The following MIB1 variants were observed in gnomAD, a reference collection of about 807,000 sequenced individuals.
The protein encoded by MIB1 is E3 ubiquitin-protein ligase MIB1.
MIB1 carries 278 observed loss-of-function variants against 124.5 expected under a neutral mutation model. That is an observed-to-expected ratio of 2.23 (90% CI 2.02 to 2.47). The LOEUF (loss-of-function observed/expected upper bound fraction) is 2.47, where lower values mean the gene tolerates loss of function less well. MIB1 is among the 30% of genes most tolerant of loss of function. MIB1 has a pLI of 0.00. For missense variants in MIB1, 957 were observed against 1,254.4 expected (o/e 0.76, Z 3.58); for synonymous variants, 446 against 429.4 (o/e 1.04, Z -0.48).
Position 21,768,243 on chromosome 18 carries a change from G to A in MIB1, c.402-380G>A, listed in dbSNP as rs537983250. ...TGCTTAGACTAGGATCATATGTGGA[G>A]TCCATTACATTTTAACTTTTGTGGC... On this transcript the variant is annotated intron_variant, in intron 2 of 20. Transcript: ENST00000261537. Among the ~76,000 whole-genome samples the A allele has an allele frequency of 3.3e-5, 5 of 152,298 alleles. No individual in the cohort carries two copies. In the East Asian group the frequency reaches 9.6e-4, roughly 29 times the overall value.
chr18:21,781,403 AT>A (rs1568199069), intron 6 of MIB1, among the ~76,000 whole-genome samples: 34 of 76,736 alleles, frequency 4.4e-4, no homozygotes, highest in African/African-American at 2.0e-3. Context: ...ATATATATAT[AT>A]ATATATATAT....
chr18:21,773,782 C>A, intron 4 of MIB1, 54 bp downstream of exon 4: 1 of 981,836 alleles, frequency 1.0e-6, no homozygotes, highest in Non-Finnish European at 1.5e-6. Context: ...GGGTGAATAG[C>A]TCTTACTGCT....
rs755394758 is a variant in MIB1 at position 21,779,479 on chromosome 18, AG to A, written c.704del. ...TTTATTCAATTGCCTCTGAAATTACAGGTGAGCAGAATGGCAACAGGAATCC... is the reference window on the plus strand; with the variant it reads ...TTTATTCAATTGCCTCTGAAATTACAGTGAGCAGAATGGCAACAGGAATCC... On this transcript the variant is annotated splice_acceptor_variant, in intron 5 of 20. Transcript: ENST00000261537. LOFTEE classifies it high-confidence loss of function. The A allele has an allele frequency of 2.5e-6, 4 of 1,613,512 alleles. No homozygotes were observed. The highest frequency in any genetic ancestry group is 3.4e-6 in the Non-Finnish European group (4 of 1,179,450).
At chr18:21,859,878 G>C (rs1252681279) in intron 20 of MIB1, among the ~76,000 whole-genome samples, 2 of 98,242 alleles carry the variant, frequency 2.0e-5, no homozygotes, top group African/African-American at 8.6e-5. Flanking sequence ...GACAGAGTGA[G>C]ACTGTCTCAA....
chr18:21,793,516 TC>T (rs1752304376), intron 7 of MIB1, among the ~76,000 whole-genome samples: 1 of 152,074 alleles, frequency 6.6e-6, no homozygotes, highest in Non-Finnish European at 1.5e-5. Context: ...ACGTGGTGGC[TC>T]ATGTCTGTAA....
At chr18:21,752,674 T>A (rs1330383296) in intron 1 of MIB1, among the ~76,000 whole-genome samples, 1 of 152,168 alleles carries the variant, frequency 6.6e-6, no homozygotes, top group East Asian at 1.9e-4. Flanking sequence ...CCAGGCCTTG[T>A]GGTACAGTAA....
At chr18:21,787,107 A>C (rs764888093) in intron 6 of MIB1, among the ~76,000 whole-genome samples, 4 of 151,558 alleles carry the variant, frequency 2.6e-5, no homozygotes, top group Non-Finnish European at 5.9e-5. Flanking sequence ...TTGCCTGTTG[A>C]ATCCCCTAAA....
intron 12 of MIB1, among the ~76,000 whole-genome samples, chr18:21,832,493 A>T (rs1351271342): frequency 2.0e-5 from 3 of 152,198 alleles, no homozygotes; most frequent in African/African-American, 7.2e-5. Flanking sequence ...GAGAAAAAAT[A>T]TTAAAACATG....
intron 18 of MIB1, 68 bp downstream of exon 18, chr18:21,853,286 T>C (rs2042197563): frequency 8.0e-7 from 1 of 1,245,650 alleles, no homozygotes; most frequent in Admixed American, 2.0e-5. Flanking sequence ...AATTATGTTT[T>C]TGAGGGTTTT....
chr18:21,720,648 G>A (rs1301274440), intron 1 of MIB1, among the ~76,000 whole-genome samples: 2 of 152,052 alleles, frequency 1.3e-5, no homozygotes, highest in East Asian at 3.9e-4. Flanking sequence ...TGGATATTTG[G>A]CGAAGTTAAG....
upstream of MIB1, among the ~76,000 whole-genome samples, chr18:21,738,311 A>G (rs1274843454): frequency 6.6e-6 from 1 of 152,148 alleles, no homozygotes; most frequent in Non-Finnish European, 1.5e-5. Flanking sequence ...AAACTGAAAA[A>G]CCTGTTCCTG....
intron 10 of MIB1, among the ~76,000 whole-genome samples, chr18:21,812,041 C>A (rs2041779728): frequency 6.6e-6 from 1 of 151,956 alleles, no homozygotes; most frequent in African/African-American, 2.4e-5. Context: ...AGCCCACAGC[C>A]AAGTAAAAAA....
chr18:21,718,441 C>A (rs963813712), intron 1 of MIB1, among the ~76,000 whole-genome samples: 2 of 152,220 alleles, frequency 1.3e-5, no homozygotes, highest in African/African-American at 4.8e-5. Flanking sequence ...TCAGCTCCCA[C>A]TGTTTCTGCC....
chr18:21,863,594 C>T lies in MIB1; in HGVS notation c.2881-932C>T, dbSNP rs535935940. Among the ~76,000 whole-genome samples, 483 of 152,276 alleles carry T rather than the reference C, an allele frequency of 3.2e-3. 1 individual carries two copies. Among genetic ancestry groups the T allele is most frequent in the Non-Finnish European group, 5.5e-3 (376 of 68,028 alleles). On this transcript the variant is annotated intron_variant, in intron 20 of 20. Transcript: ENST00000261537. ...CCCTTTGAAGTCAAGTTGCCTCTCTCCCCTCTACTACCTGGGTCTGGAGTC... is the reference window on the plus strand; with the variant it reads ...CCCTTTGAAGTCAAGTTGCCTCTCTTCCCTCTACTACCTGGGTCTGGAGTC...
intron 6 of MIB1, among the ~76,000 whole-genome samples, chr18:21,784,184 G>A (rs2041406309): frequency 6.6e-6 from 1 of 151,902 alleles, no homozygotes; most frequent in African/African-American, 2.4e-5. Flanking sequence ...GCGTAGCTGG[G>A]ACTACAGGCG....
At chr18:21,790,366 G>T (rs1391802881) in intron 6 of MIB1, among the ~76,000 whole-genome samples, 1 of 152,144 alleles carries the variant, frequency 6.6e-6, no homozygotes, top group Non-Finnish European at 1.5e-5. Context: ...TAGTCAATAG[G>T]AGAATAGTTA....
chr18:21,769,876 G>T (rs922130966), intron 3 of MIB1, among the ~76,000 whole-genome samples: 4 of 152,118 alleles, frequency 2.6e-5, no homozygotes, highest in Non-Finnish European at 5.9e-5. Flanking sequence ...TTACATTTTT[G>T]GTTTGCTTTG....
In MIB1 at chr18:21,846,971, G is replaced by T. The variant is rs774052504; in HGVS notation, c.2239G>T (p.Ala747Ser). Reference sequence around the variant, plus strand: ...AATAATGGGACTTGGTACCCAGGGGGCAGAGAAGAAGAGTGCAGCATCTAT... The same window carrying T: ...AATAATGGGACTTGGTACCCAGGGGTCAGAGAAGAAGAGTGCAGCATCTAT... ...TLIMGLGTQG[A>S]EKKSAASIAC... The change falls in exon 16 of 21, where the codon GCA becomes TCA. Residue 747 changes from alanine to serine, a missense_variant. Ala to Ser is a moderately conservative substitution (Grantham distance 99). Coordinates refer to ENST00000261537, the MANE Select transcript of MIB1 (RefSeq NM_020774.4). The T allele has an allele frequency of 4.3e-6, 7 of 1,613,892 alleles. No individual in the cohort carries two copies. In the South Asian group the frequency reaches 6.6e-5, roughly 15 times the overall value.
chr18:21,789,599 C>T (rs1444984424), intron 6 of MIB1, among the ~76,000 whole-genome samples: 2 of 151,770 alleles, frequency 1.3e-5, no homozygotes, highest in East Asian at 3.9e-4. Flanking sequence ...AATTCCTGAC[C>T]CGAGGTCAGG....
Sources: gnomAD v4.1 joint callset for allele counts (sites outside exome capture counted in the v4.1 genomes callset) on GRCh38, gnomAD v4.1.1 for gene constraint, MANE v1.5 for transcripts, NCBI Gene and HGNC (gene_info 2026-07-23, HGNC 2026-07-21) for gene names.